Variants in MYO9A observed in about 807,000 individuals in gnomAD.
MYO9A encodes the protein unconventional myosin-IXa.
A neutral mutation model predicts 293.3 loss-of-function variants in MYO9A; 103 were observed. That is an observed-to-expected ratio of 0.35 (90% confidence interval 0.30 to 0.41). The LOEUF (loss-of-function observed/expected upper bound fraction) is 0.41, where lower values mean the gene tolerates loss of function less well. MYO9A is among the 10% of genes least tolerant of loss of function. MYO9A has a pLI of 1.00. For synonymous variants in MYO9A, 1,001 were observed against 1,035.7 expected (o/e 0.97, Z 0.64); for missense variants, 2,685 against 3,033.0 (o/e 0.89, Z 2.69).
chr15:71,849,015 T>C (rs2055513979), intron 38 of MYO9A, 47 bp from the exon 39 acceptor site: 1 of 1,523,316 alleles, frequency 6.6e-7, no homozygotes, highest in Admixed American at 2.3e-5. Context: ...GTGAAGTAAA[T>C]AAAGTATAGC....
At chr15:72,082,303 T>G (rs2079571693) in intron 1 of MYO9A, among the ~76,000 whole-genome samples, 1 of 152,190 alleles carries the variant, frequency 6.6e-6, no homozygotes, top group Non-Finnish European at 1.5e-5. Context: ...GAATGGGATT[T>G]GTGTTCCTAA....
intron 23 of MYO9A, among the ~76,000 whole-genome samples, chr15:71,900,689 G>C (rs553009635): frequency 1.3e-5 from 2 of 151,962 alleles, no homozygotes; most frequent in African/African-American, 4.8e-5. Context: ...ATGGGTTTAA[G>C]GTAATCCTGA....
At chr15:71,899,191 C>T (rs574679327) in intron 24 of MYO9A, among the ~76,000 whole-genome samples, 159 bp from the exon 25 acceptor site, 9 of 152,232 alleles carry the variant, frequency 5.9e-5, no homozygotes, top group Non-Finnish European at 1.3e-4. Flanking sequence ...CATAATTTTC[C>T]TATTTCCATG....
intron 11 of MYO9A, among the ~76,000 whole-genome samples, chr15:71,984,049 G>A (rs1410543969): frequency 3.9e-5 from 6 of 152,154 alleles, no homozygotes; most frequent in African/African-American, 1.2e-4. Context: ...CCTGACTTAC[G>A]ATGATTCAAC....
At chr15:72,051,004 C>G (rs1265605853) in intron 1 of MYO9A, among the ~76,000 whole-genome samples, 1 of 152,200 alleles carries the variant, frequency 6.6e-6, no homozygotes, top group Admixed American at 6.5e-5. Context: ...TTCTGACTCA[C>G]TCCTACAGCT....
chr15:72,032,715 T>C (rs1481807108), intron 2 of MYO9A, 127 bp from the exon 3 acceptor site: 1 of 533,584 alleles, frequency 1.9e-6, no homozygotes, highest in Non-Finnish European at 3.1e-6. Flanking sequence ...AAAGACAATT[T>C]GCTTGTATGT....
intron 1 of MYO9A, among the ~76,000 whole-genome samples, chr15:72,086,371 G>A (rs1424755423): frequency 1.4e-5 from 2 of 144,476 alleles, no homozygotes; most frequent in Admixed American, 7.2e-5. Context: ...GAGGGGGAGG[G>A]TTCATTGTTC....
At chr15:71,978,356 G>C in intron 11 of MYO9A, 64 bp from the exon 12 acceptor site, 1 of 1,385,296 alleles carries the variant, frequency 7.2e-7, no homozygotes, top group Non-Finnish European at 9.8e-7. Flanking sequence ...ATATAATATA[G>C]ATTGAAAAGC....
At chr15:71,852,960 G>A (rs1567198110) in intron 35 of MYO9A, among the ~76,000 whole-genome samples, 2 of 152,146 alleles carry the variant, frequency 1.3e-5, no homozygotes, top group African/African-American at 2.4e-5. Flanking sequence ...AGCTGGGTGT[G>A]GTGGCACACG....
Position 71,826,679 on chromosome 15 carries a change from T to C in MYO9A, c.7548A>G (p.Pro2516=), listed in dbSNP as rs781412230. The C allele has an allele frequency of 2.6e-5, 42 of 1,614,006 alleles. 1 individual carries two copies. In the Middle Eastern group the frequency reaches 6.6e-4, roughly 25 times the overall value. ...TGCGGCCAGACATGACTGTCCCCTC[T>C]GGGGTCTCTTTGGTTTTCTGAGGTG... The part of the protein sequence containing the change: ...KNSPQKTKET[P]EGTVMSGRRK... The change falls in exon 42 of 42, where the codon CCA becomes CCG. Residue 2516 remains proline (P), a synonymous_variant. Coordinates refer to ENST00000356056, the MANE Select transcript of MYO9A (RefSeq NM_006901.4).
At chr15:71,985,716 T>G (rs1166172118) in intron 11 of MYO9A, among the ~76,000 whole-genome samples, 1 of 152,210 alleles carries the variant, frequency 6.6e-6, no homozygotes, top group East Asian at 1.9e-4. Flanking sequence ...CCTAGATTTC[T>G]TTCTTATAGT....
intron 1 of MYO9A, among the ~76,000 whole-genome samples, chr15:72,086,793 G>A (rs1273686802): frequency 6.6e-6 from 1 of 151,902 alleles, no homozygotes; most frequent in African/African-American, 2.4e-5. Flanking sequence ...TTGAGACAGA[G>A]TTTCACTCTT....
intron 32 of MYO9A, among the ~76,000 whole-genome samples, chr15:71,873,374 T>C (rs1045036250): frequency 5.3e-5 from 8 of 152,334 alleles, no homozygotes; most frequent in African/African-American, 1.9e-4. Context: ...CAAACTCTTC[T>C]TCAATAAAGA....
intron 8 of MYO9A, among the ~76,000 whole-genome samples, chr15:72,006,373 T>C (rs774700547): frequency 6.6e-6 from 1 of 152,212 alleles, no homozygotes; most frequent in African/African-American, 2.4e-5. Context: ...TGTGCTGGGA[T>C]TGCAGGCATG....
Position 72,020,973 on chromosome 15 carries a change from T to C in MYO9A, c.1043A>G (p.Asp348Gly). The C allele has an allele frequency of 6.4e-7, 1 of 1,554,574 alleles. No homozygotes were observed. Among genetic ancestry groups the C allele is most frequent in the Non-Finnish European group, 8.6e-7 (1 of 1,159,176 alleles). Residue 348 changes from aspartate (D) to glycine (G), a missense_variant, in exon 5 of 42, where the codon GAT becomes GGT. Transcript: ENST00000356056. ...CTTAAGATGGAATGCTGATCTCTCATCTTCACTTGCTCCTGCCAGGAGGTA... is the reference window on the plus strand; with the variant it reads ...CTTAAGATGGAATGCTGATCTCTCACCTTCACTTGCTCCTGCCAGGAGGTA... ...FYYLLAGASE[D>G]ERSAFHLKQP...
chr15:71,891,160 C>A (rs752100594), intron 26 of MYO9A: 4 of 152,254 alleles, frequency 2.6e-5, no homozygotes, highest in Non-Finnish European at 5.9e-5. Flanking sequence ...ACCACCTGTT[C>A]CTAAAATAGC....
At chr15:71,883,420 TA>T (rs2056931927) in intron 28 of MYO9A, among the ~76,000 whole-genome samples, 173 bp downstream of exon 28, 1 of 152,198 alleles carries the variant, frequency 6.6e-6, no homozygotes, top group African/African-American at 2.4e-5. Flanking sequence ...ACTTCTATTG[TA>T]GGAAAAATGT....
intron 1 of MYO9A, among the ~76,000 whole-genome samples, chr15:72,064,392 A>C (rs2078960264): frequency 6.6e-6 from 1 of 152,222 alleles, no homozygotes; most frequent in African/African-American, 2.4e-5. Context: ...TGTGATTATT[A>C]TACACCGTAT....
intron 26 of MYO9A, chr15:71,892,997 G>A: frequency 1.6e-6 from 2 of 1,287,164 alleles, no homozygotes; most frequent in Non-Finnish European, 2.0e-6. Flanking sequence ...GCCTGACCCA[G>A]GCTGGGTGCA....
Sources: allele counts gnomAD v4.1 joint callset (sites outside exome capture counted in the v4.1 genomes callset), GRCh38; gene constraint gnomAD v4.1.1; transcripts MANE v1.5; gene names NCBI Gene and HGNC (gene_info 2026-07-23, HGNC 2026-07-21).